PRKD1: variants seen among roughly 807,000 people sequenced by gnomAD.
The protein encoded by PRKD1 is protein kinase D1, also known as serine/threonine-protein kinase D1.
A neutral mutation model predicts 95.9 loss-of-function variants in PRKD1; 63 were observed. That is an observed-to-expected ratio of 0.66 (90% CI 0.54 to 0.81). The LOEUF (loss-of-function observed/expected upper bound fraction) is 0.81. Among genes scored for constraint, PRKD1 ranks in the 30% least tolerant of loss-of-function variants. PRKD1 has a pLI of 0.00. For synonymous variants in PRKD1, 425 were observed against 423.1 expected, an observed-to-expected ratio of 1.00 and a Z score of -0.05; for missense variants, 1,048 against 1,165.3, an observed-to-expected ratio of 0.90 and a Z score of 1.47.
intron 1 of PRKD1, among the ~76,000 whole-genome samples, chr14:29,912,707 T>A (rs745537048): frequency 2.6e-5 from 4 of 152,268 alleles, no homozygotes; most frequent in Non-Finnish European, 4.4e-5. Flanking sequence ...CAAAGACATC[T>A]GTATATAGTG....
rs1879967756 is a variant in PRKD1 at position 29,630,976 on chromosome 14, A to G, written c.1438T>C (p.Ser480Pro). ...EILSLEPVKT[S>P]ALIPNGANPH... ...TTGGCCCCATTAGGAATTAAAGCTGAAGTTTTTACTGGTTCCAGAGACAAA... is the reference window on the plus strand; with the variant it reads ...TTGGCCCCATTAGGAATTAAAGCTGGAGTTTTTACTGGTTCCAGAGACAAA... Residue 480 changes from serine to proline, a missense_variant, in exon 10 of 18, where the codon TCA (serine) becomes CCA (proline). By Grantham distance (74) the Ser-to-Pro change is moderately conservative. Around this residue, in one of 3 missense-constraint regions of PRKD1, gnomAD observed 739 missense variants for 861.9 expected, o/e 0.86. Coordinates refer to ENST00000331968, the MANE Select transcript of PRKD1 (RefSeq NM_002742.3). 5.0e-6 allele frequency: 8 copies of G among 1,613,606 alleles called. No homozygotes were observed. The African/African-American group carries it at 5.3e-5, about 11-fold the overall frequency.
chr14:29,715,686 C>A (rs1031754306), intron 2 of PRKD1, among the ~76,000 whole-genome samples: 1 of 152,186 alleles, frequency 6.6e-6, no homozygotes, highest in African/African-American at 2.4e-5. Flanking sequence ...AATCCTATCA[C>A]CTCTTTATTA....
At chr14:29,760,130 C>T (rs1287401999) in intron 1 of PRKD1, among the ~76,000 whole-genome samples, 1 of 152,006 alleles carries the variant, frequency 6.6e-6, no homozygotes, top group Non-Finnish European at 1.5e-5. Flanking sequence ...TTTATTTTTC[C>T]TTTTAATACA....
intron 4 of PRKD1, chr14:29,656,460 T>C: frequency 6.5e-7 from 1 of 1,531,904 alleles, no homozygotes; most frequent in Non-Finnish European, 8.7e-7. Context: ...TAGCACCAGG[T>C]AGCATTAGTA....
intron 1 of PRKD1, among the ~76,000 whole-genome samples, chr14:29,787,215 GTTTTTTTT>G (rs34161174): frequency 1.2e-5 from 1 of 85,240 alleles, no homozygotes; most frequent in African/African-American, 4.5e-5. Context: ...TTTGTTCAGT[GTTTTTTTT>G]TTTTTTTTTT....
At chr14:29,621,290 T>A (rs1340832050) in intron 13 of PRKD1, among the ~76,000 whole-genome samples, 1 of 151,808 alleles carries the variant, frequency 6.6e-6, no homozygotes. Flanking sequence ...CATGTATACA[T>A]ATGTAACTAA....
chr14:29,614,994 G>A (rs372906666), intron 13 of PRKD1, among the ~76,000 whole-genome samples: 7 of 151,264 alleles, frequency 4.6e-5, no homozygotes, highest in Admixed American at 3.3e-4. Flanking sequence ...TTACAGGCCC[G>A]AGCCACTATA....
intron 1 of PRKD1, among the ~76,000 whole-genome samples, chr14:29,770,252 T>C (rs908578971): frequency 1.3e-5 from 2 of 152,196 alleles, no homozygotes; most frequent in Non-Finnish European, 2.9e-5. Flanking sequence ...ATACAGATAT[T>C]GGTACCAAGA....
chr14:29,745,972 G>A (rs1462980406), intron 1 of PRKD1, among the ~76,000 whole-genome samples: 1 of 152,034 alleles, frequency 6.6e-6, no homozygotes, highest in Non-Finnish European at 1.5e-5. Flanking sequence ...TTACTGGGAC[G>A]GTCCGTTCCC....
At chr14:29,691,184 T>C (rs1343278178) in intron 2 of PRKD1, among the ~76,000 whole-genome samples, 2 of 152,218 alleles carry the variant, frequency 1.3e-5, no homozygotes, top group Non-Finnish European at 2.9e-5. Flanking sequence ...GGGTCTTTCA[T>C]ACATCTGGTT....
At chr14:29,689,066 A>T (rs59543047) in intron 2 of PRKD1, among the ~76,000 whole-genome samples, 7 of 151,516 alleles carry the variant, frequency 4.6e-5, no homozygotes, top group Non-Finnish European at 1.0e-4. Context: ...AAGATTTTAC[A>T]ATGAAAATGC....
chr14:29,683,418 G>C (rs1050503607), intron 2 of PRKD1, among the ~76,000 whole-genome samples: 1 of 152,170 alleles, frequency 6.6e-6, no homozygotes, highest in Non-Finnish European at 1.5e-5. Context: ...CAGCTCAAGT[G>C]CCAGTGGGAT....
intron 13 of PRKD1, among the ~76,000 whole-genome samples, chr14:29,616,570 A>C (rs1878881093): frequency 6.6e-6 from 1 of 150,772 alleles, no homozygotes; most frequent in Non-Finnish European, 1.5e-5. Flanking sequence ...CAGCCACCCA[A>C]GTAGCTGAGA....
chr14:29,817,523 C>T (rs1890739904), intron 1 of PRKD1, among the ~76,000 whole-genome samples: 1 of 152,096 alleles, frequency 6.6e-6, no homozygotes, highest in African/African-American at 2.4e-5. Flanking sequence ...ATACCATTTG[C>T]TATATTATAG....
At chr14:29,922,856 G>C (rs1895170505) in intron 1 of PRKD1, among the ~76,000 whole-genome samples, 1 of 152,120 alleles carries the variant, frequency 6.6e-6, no homozygotes, top group African/African-American at 2.4e-5. Flanking sequence ...TGTACTTGTA[G>C]TCTGGGCCTT....
At chr14:29,755,489 A>T (rs1317274080) in intron 1 of PRKD1, among the ~76,000 whole-genome samples, 1 of 152,046 alleles carries the variant, frequency 6.6e-6, no homozygotes, top group East Asian at 1.9e-4. Context: ...CAAGAGACAA[A>T]CCCCGGCGAC....
chr14:29,684,055 C>G (rs1008036161), intron 2 of PRKD1, among the ~76,000 whole-genome samples: 2 of 152,096 alleles, frequency 1.3e-5, no homozygotes, highest in African/African-American at 2.4e-5. Flanking sequence ...CCCTCACACT[C>G]TTCAAAACCA....
At chr14:29,674,083 A>G (rs567291699) in intron 2 of PRKD1, among the ~76,000 whole-genome samples, 2 of 152,270 alleles carry the variant, frequency 1.3e-5, no homozygotes, top group African/African-American at 4.8e-5. Context: ...AGTTTTTAGC[A>G]CAAGGATGAA....
In PRKD1 at chr14:29,629,077, A is replaced by T; in HGVS notation, c.1689T>A (p.Ser563Arg). 1 of 1,608,460 alleles carries T rather than the reference A, an allele frequency of 6.2e-7. No homozygotes were observed. Residue 563 changes from serine to arginine, a missense_variant, in exon 11 of 18, where the codon AGT (serine) becomes AGA (arginine). Physicochemically the swap from Ser to Arg is moderately radical, Grantham distance 110 (BLOSUM62 -1). Transcript: ENST00000331968. ...GAATCTGGCAATTTGATACTGAAAT[A>T]CTCACAGAGATATCTCCTGGAAATG... ...GTNLHRDISV[S>R]ISVSNCQIQE...
Sources: allele counts gnomAD v4.1 joint callset (sites outside exome capture counted in the v4.1 genomes callset), GRCh38; gene constraint gnomAD v4.1.1; regional missense constraint gnomAD v4.1.1; transcripts MANE v1.5; gene names NCBI Gene and HGNC (gene_info 2026-07-23, HGNC 2026-07-21).